The following ICE2 variants were observed in gnomAD, a reference collection of about 807,000 sequenced individuals.
ICE2 encodes little elongation complex subunit 2.
In ICE2, 87 loss-of-function variants were observed where a neutral mutation model predicts 105.4. That is an observed-to-expected ratio of 0.83 (90% CI 0.69 to 0.99). The LOEUF is 0.99. Ranked by LOEUF, ICE2 falls within the 50% of genes least tolerant of loss-of-function variation. The pLI is 0.00. For missense variants in ICE2, 1,323 were observed against 1,146.7 expected, an observed-to-expected ratio of 1.15 and a Z score of -2.22; for synonymous variants, 399 against 392.0, an observed-to-expected ratio of 1.02 and a Z score of -0.21.
chr15:60,426,692 A>G (rs1021760745), intron 15 of ICE2, among the ~76,000 whole-genome samples: 1 of 152,218 alleles, frequency 6.6e-6, no homozygotes, highest in Non-Finnish European at 1.5e-5. Context: ...CCTTGCACAC[A>G]CATAATACAT....
chr15:60,442,609 G>A, intron 11 of ICE2, 64 bp from the exon 12 acceptor site: 1 of 1,297,106 alleles, frequency 7.7e-7, no homozygotes, highest in Non-Finnish European at 1.1e-6. Flanking sequence ...AAATACATTT[G>A]CCTATACAGC....
intron 14 of ICE2, among the ~76,000 whole-genome samples, chr15:60,430,164 A>T (rs1420221353): frequency 6.6e-6 from 1 of 152,238 alleles, no homozygotes; most frequent in African/African-American, 2.4e-5. Context: ...AAGAGCCCTT[A>T]AATACAGAAG....
chr15:60,452,803 A>G (rs1420186444), intron 9 of ICE2: 2 of 950,544 alleles, frequency 2.1e-6, no homozygotes, highest in African/African-American at 3.5e-5. Flanking sequence ...ACAGATAAGC[A>G]AACTAGACAC....
intron 15 of ICE2, among the ~76,000 whole-genome samples, chr15:60,426,657 T>G (rs763334308): frequency 6.6e-5 from 10 of 152,212 alleles, no homozygotes; most frequent in Non-Finnish European, 8.8e-5. Context: ...ATAAGGAAAG[T>G]ATATTACTCA....
intron 5 of ICE2, 49 bp downstream of exon 5, chr15:60,466,545 C>A (rs375429462): frequency 1.3e-6 from 2 of 1,596,998 alleles, no homozygotes; most frequent in Non-Finnish European, 1.7e-6. Context: ...CAGAATGCTG[C>A]TATTGCCTAT....
intron 3 of ICE2, among the ~76,000 whole-genome samples, chr15:60,472,158 T>C (rs945162454): frequency 2.6e-5 from 4 of 152,140 alleles, no homozygotes; most frequent in Admixed American, 2.0e-4. Context: ...AAATATTCTA[T>C]AATTTTTTTT....
At chr15:60,440,781 C>T (rs566899337) in intron 12 of ICE2, 1 of 152,036 alleles carries the variant, frequency 6.6e-6, no homozygotes, top group African/African-American at 2.4e-5. Context: ...CATACCTACA[C>T]CCCACCAAAA....
intron 13 of ICE2, among the ~76,000 whole-genome samples, chr15:60,433,013 T>A (rs1000586430): frequency 2.0e-5 from 3 of 152,010 alleles, no homozygotes. Flanking sequence ...AAAAAATTGA[T>A]AGGTACGTTA....
In ICE2 at chr15:60,420,031, C is replaced by A. The variant is rs1365312617; in HGVS notation, c.*3603G>T. On this transcript the variant is annotated 3_prime_UTR_variant, in exon 16 of 16. Coordinates refer to ENST00000261520, the MANE Select transcript of ICE2 (RefSeq NM_024611.6). ...ATGAGAGACCTGGACTTTTGACTTA[C>A]AGAAACTGTGAGATAATGTTTGTTG... 2.0e-5 allele frequency: 3 copies of A among 151,984 alleles called. No homozygotes were observed. The highest frequency in any genetic ancestry group is 4.4e-5 in the Non-Finnish European group (3 of 68,026). The allele number at this position is 151,984 out of a possible 1,614,324, so 9.4% of individuals were successfully genotyped here.
chr15:60,442,282 G>T, intron 12 of ICE2, 134 bp downstream of exon 12: 3 of 758,214 alleles, frequency 4.0e-6, no homozygotes, highest in Non-Finnish European at 6.2e-6. Flanking sequence ...AACAGAATGA[G>T]ACCCTAAAAC....
intron 14 of ICE2, among the ~76,000 whole-genome samples, chr15:60,430,215 A>T (rs1204175481): frequency 6.6e-6 from 1 of 152,152 alleles, no homozygotes; most frequent in African/African-American, 2.4e-5. Flanking sequence ...CGACTGTACA[A>T]CTCCAGAGAG....
intron 11 of ICE2, among the ~76,000 whole-genome samples, chr15:60,444,491 A>C (rs1403661484): frequency 6.6e-6 from 1 of 152,134 alleles, no homozygotes; most frequent in South Asian, 2.1e-4. Context: ...TCCCTTGATA[A>C]ATGGCTCCCC....
intron 5 of ICE2, among the ~76,000 whole-genome samples, chr15:60,464,795 A>G (rs2064376607): frequency 1.3e-5 from 2 of 152,112 alleles, no homozygotes; most frequent in African/African-American, 4.8e-5. Context: ...ACGCAGAAGG[A>G]TTTTTGAGGT....
chr15:60,440,803 A>G (rs2063702330), intron 12 of ICE2: 1 of 152,150 alleles, frequency 6.6e-6, no homozygotes, highest in African/African-American at 2.4e-5. Flanking sequence ...ACCCCGAACA[A>G]ACCAAAATCC....
At chr15:60,465,439 G>A (rs188635578) in intron 5 of ICE2, among the ~76,000 whole-genome samples, 76 of 151,988 alleles carry the variant, frequency 5.0e-4, no homozygotes, top group East Asian at 1.7e-3. Flanking sequence ...CTTCTGCCTC[G>A]GCCTCCCAAA....
At chr15:60,453,442 A>C in intron 9 of ICE2, 161 bp downstream of exon 9, 2 of 1,402,262 alleles carry the variant, frequency 1.4e-6, no homozygotes, top group South Asian at 1.6e-5. Flanking sequence ...AGGGAGGTTA[A>C]GTTAGTTGCC....
intron 12 of ICE2, chr15:60,440,724 A>T (rs1391203654): frequency 6.6e-6 from 1 of 152,146 alleles, no homozygotes; most frequent in Non-Finnish European, 1.5e-5. Context: ...AAATTAAAAG[A>T]GTATTATAAC....
chr15:60,451,705 G>A, intron 9 of ICE2: 1 of 726,418 alleles, frequency 1.4e-6, no homozygotes, highest in Non-Finnish European at 1.7e-6. Context: ...ATTTACTTCT[G>A]GTTCACCCTG....
intron 2 of ICE2, among the ~76,000 whole-genome samples, chr15:60,477,017 T>TA (rs753415486): frequency 6.6e-6 from 1 of 152,228 alleles, no homozygotes; most frequent in Non-Finnish European, 1.5e-5. Flanking sequence ...AATCAAATGG[T>TA]AACTTCTGGG....
Sources: gnomAD v4.1 joint callset for allele counts (sites outside exome capture counted in the v4.1 genomes callset) on GRCh38, gnomAD v4.1.1 for gene constraint, MANE v1.5 for transcripts, NCBI Gene and HGNC (gene_info 2026-07-23, HGNC 2026-07-21) for gene names.